RGS6: variants seen among roughly 807,000 people sequenced by gnomAD.
RGS6 encodes regulator of G-protein signaling 6.
Under a neutral mutation model 78.5 loss-of-function variants are expected in RGS6, and 30 were observed. The ratio of observed to expected loss-of-function variants is 0.38; its 90% CI spans 0.29 to 0.52. The LOEUF is 0.52. Ranked by LOEUF, RGS6 falls within the 20% of genes least tolerant of loss-of-function variation. The probability of loss-of-function intolerance (pLI) is 0.85; values close to 1 mark genes in which losing one functional copy is unlikely to be tolerated. For synonymous variants in RGS6, 206 were observed against 206.0 expected (o/e 1.00, Z 0.00); for missense variants, 495 against 609.7 (o/e 0.81, Z 1.98).
intron 2 of RGS6, among the ~76,000 whole-genome samples, chr14:72,294,110 C>G (rs937809013): frequency 2.6e-5 from 4 of 152,186 alleles, no homozygotes; most frequent in African/African-American, 9.7e-5. Flanking sequence ...TTTTGTAATT[C>G]AGACAGAGGT....
chr14:71,876,206 C>T, the RGS6 span, among the ~76,000 whole-genome samples: 1 of 152,098 alleles, frequency 6.6e-6, no homozygotes, highest in Admixed American at 6.5e-5. Flanking sequence ...TCCTTGTTAA[C>T]TTTCTGTCTC....
intron 2 of RGS6, among the ~76,000 whole-genome samples, chr14:72,199,443 A>G (rs767432585): frequency 6.6e-6 from 1 of 152,254 alleles, no homozygotes; most frequent in African/African-American, 2.4e-5. Context: ...AACAATGCCA[A>G]CAGTCCAAGA....
rs2097696763 is a variant in RGS6 at position 72,563,644 on chromosome 14, A to G, written c.*1177A>G. 1 of 152,302 alleles carries G rather than the reference A, an allele frequency of 6.6e-6. No homozygotes were observed. Among genetic ancestry groups the G allele is most frequent in the Non-Finnish European group, 1.5e-5 (1 of 68,082 alleles). 9.4% of individuals were successfully genotyped at this position (152,302 alleles called of 1,614,324 possible). On this transcript the variant is annotated 3_prime_UTR_variant, in exon 18 of 18. Coordinates refer to ENST00000553525, the MANE Select transcript of RGS6 (RefSeq NM_001204424.2). The stretch of plus-strand genomic sequence containing the variant: ...AAAAACCTGCAAAAGATCCACCTGT[A>G]TTCCCTGTGTGTGTGTGTCAAAATG...
intron 2 of RGS6, among the ~76,000 whole-genome samples, chr14:72,202,388 C>A (rs2041768547): frequency 6.6e-6 from 1 of 152,084 alleles, no homozygotes; most frequent in Non-Finnish European, 1.5e-5. Context: ...GTTTCTCCTG[C>A]CCTCCAGATT....
chr14:72,325,939 T>C (rs1383758694), intron 2 of RGS6, among the ~76,000 whole-genome samples: 1 of 152,204 alleles, frequency 6.6e-6, no homozygotes, highest in Non-Finnish European at 1.5e-5. Context: ...CATACATCTT[T>C]GGTGGACCCA....
At chr14:71,880,061 G>A in the RGS6 span, among the ~76,000 whole-genome samples, 1 of 152,258 alleles carries the variant, frequency 6.6e-6, no homozygotes, top group African/African-American at 2.4e-5. Context: ...AGGAATTGGA[G>A]CAAAGGTGGC....
intron 2 of RGS6, among the ~76,000 whole-genome samples, chr14:72,256,777 T>G (rs2153869006): frequency 6.6e-6 from 1 of 152,332 alleles, no homozygotes; most frequent in Non-Finnish European, 1.5e-5. Flanking sequence ...GCTGACTAGC[T>G]TTCTGTCATT....
the RGS6 span, among the ~76,000 whole-genome samples, chr14:72,597,422 A>G: frequency 3.3e-5 from 5 of 152,242 alleles, no homozygotes; most frequent in African/African-American, 1.2e-4. Context: ...GCATTTGCCC[A>G]GCACCTGGAA....
chr14:72,086,259 C>T (rs1353044275), intron 2 of RGS6, among the ~76,000 whole-genome samples: 4 of 152,142 alleles, frequency 2.6e-5, no homozygotes, highest in Non-Finnish European at 5.9e-5. Context: ...GGTCCAGAGA[C>T]GTTTGCTCGA....
chr14:72,555,944 A>G (rs60470335), intron 17 of RGS6, among the ~76,000 whole-genome samples: 18,020 of 152,164 alleles, frequency 0.12, 1,172 homozygotes, highest in African/African-American at 0.17. Context: ...TCAAGGCCTG[A>G]GTGATTTGAA....
At chr14:72,417,391 C>A (rs1330385120) in intron 3 of RGS6, among the ~76,000 whole-genome samples, 1 of 152,162 alleles carries the variant, frequency 6.6e-6, no homozygotes, top group Non-Finnish European at 1.5e-5. Context: ...CAATTAAGTG[C>A]ATTTGGGAGG....
intron 2 of RGS6, among the ~76,000 whole-genome samples, chr14:72,223,959 C>A (rs1484310277): frequency 1.3e-5 from 2 of 152,182 alleles, no homozygotes; most frequent in African/African-American, 4.8e-5. Flanking sequence ...GCAGGAGACA[C>A]CTGAGAGCAG....
chr14:72,478,606 G>T (rs566301191), intron 12 of RGS6, among the ~76,000 whole-genome samples: 11 of 152,304 alleles, frequency 7.2e-5, no homozygotes, highest in African/African-American at 2.4e-4. Flanking sequence ...GCTACATAAT[G>T]CACCTTTGCC....
chr14:72,569,793 T>C (rs983696365), downstream of RGS6, among the ~76,000 whole-genome samples: 22 of 152,214 alleles, frequency 1.4e-4, no homozygotes, highest in African/African-American at 2.2e-4. Context: ...CACTGTTGCA[T>C]GTCTAGGTAG....
chr14:72,445,886 TAG>T (rs71109736), intron 3 of RGS6, among the ~76,000 whole-genome samples: 544 of 152,266 alleles, frequency 3.6e-3, no homozygotes, highest in Non-Finnish European at 6.4e-3. Flanking sequence ...TATTTGGAAA[TAG>T]AGTCATTGCA....
At chr14:72,221,967 T>C (rs557458874) in intron 2 of RGS6, among the ~76,000 whole-genome samples, 2 of 152,350 alleles carry the variant, frequency 1.3e-5, no homozygotes, top group Non-Finnish European at 2.9e-5. Context: ...CATGTCCACT[T>C]CATCCCTATT....
intron 2 of RGS6, among the ~76,000 whole-genome samples, chr14:72,323,723 A>C (rs528862799): frequency 1.1e-4 from 16 of 140,362 alleles, no homozygotes; most frequent in Non-Finnish European, 2.3e-4. Context: ...AATTGCTTGA[A>C]CCTGGGAGGC....
At chr14:71,977,744 G>A (rs1428469434) in intron 2 of RGS6, among the ~76,000 whole-genome samples, 11 of 151,508 alleles carry the variant, frequency 7.3e-5, no homozygotes, top group Non-Finnish European at 1.3e-4. Flanking sequence ...TTGGCGATGC[G>A]GGCTCTTTTT....
the RGS6 span, among the ~76,000 whole-genome samples, chr14:71,904,354 G>A: frequency 6.6e-6 from 1 of 152,194 alleles, no homozygotes; most frequent in East Asian, 1.9e-4. Context: ...TGAGACCCAA[G>A]TTACTCCAAT....
Sources: allele counts gnomAD v4.1 joint callset (sites outside exome capture counted in the v4.1 genomes callset), GRCh38; gene constraint gnomAD v4.1.1; transcripts MANE v1.5; gene names NCBI Gene and HGNC (gene_info 2026-07-23, HGNC 2026-07-21).